ZDHHC14: variants seen among roughly 807,000 people sequenced by gnomAD.
ZDHHC14 encodes palmitoyltransferase ZDHHC14.
Under a neutral mutation model 47.7 loss-of-function variants are expected in ZDHHC14, and 16 were observed. The observed-to-expected ratio is 0.34, with a 90% confidence interval of 0.23 to 0.51. ZDHHC14 has a LOEUF of 0.51. Ranked by LOEUF, ZDHHC14 falls within the 20% of genes least tolerant of loss-of-function variation. ZDHHC14 has a pLI of 0.97. For missense variants in ZDHHC14, 515 were observed against 662.5 expected, an observed-to-expected ratio of 0.78 and a Z score of 2.44; for synonymous variants, 293 against 278.9, an observed-to-expected ratio of 1.05 and a Z score of -0.50.
intron 1 of ZDHHC14, among the ~76,000 whole-genome samples, chr6:157,497,980 G>A (rs1780107658): frequency 6.6e-6 from 1 of 152,180 alleles, no homozygotes; most frequent in South Asian, 2.1e-4. Flanking sequence ...GACAGTAAGG[G>A]CAACAGGAGG....
At position 157,502,232 on chromosome 6, in the gene ZDHHC14, G is replaced by A. The variant is rs1780209857; in HGVS notation, c.246-40353G>A. Among the ~76,000 whole-genome samples, 1 of 152,142 alleles carries A rather than the reference G, an allele frequency of 6.6e-6. No individual in the cohort carries two copies. The highest frequency in any genetic ancestry group is 2.1e-4 in the South Asian group (1 of 4,830). Reference sequence around the variant, plus strand: ...AGCATAACACCTTCCTTTAAGATATGCACAGCCTAGAAGGGAAGACCAAGA... The same window carrying A: ...AGCATAACACCTTCCTTTAAGATATACACAGCCTAGAAGGGAAGACCAAGA... On this transcript the variant is annotated intron_variant, in intron 1 of 8. Transcript: ENST00000359775. The surrounding 1 kb of genome is among the most constrained non-coding windows in gnomAD (Gnocchi z 4.0).
At chr6:157,473,409 A>T (rs1779400872) in intron 1 of ZDHHC14, among the ~76,000 whole-genome samples, 1 of 152,214 alleles carries the variant, frequency 6.6e-6, no homozygotes, top group South Asian at 2.1e-4. Flanking sequence ...GAGATTATGC[A>T]GTATTTGTCT....
intron 2 of ZDHHC14, among the ~76,000 whole-genome samples, chr6:157,554,755 A>T (rs376608872): frequency 6.6e-6 from 1 of 152,220 alleles, no homozygotes; most frequent in African/African-American, 2.4e-5. Context: ...GGCATTTGGG[A>T]TGTGGCTGTT....
chr6:157,673,201 C>T lies in ZDHHC14; in HGVS notation c.*79C>T, dbSNP rs559611851. On this transcript the variant is annotated 3_prime_UTR_variant, in exon 9 of 9. Coordinates refer to ENST00000359775, the MANE Select transcript of ZDHHC14 (RefSeq NM_024630.3). The surrounding 1 kb of genome is among the most constrained non-coding windows in gnomAD (Gnocchi z 5.4). The stretch of plus-strand genomic sequence containing the variant: ...GTGAGCGGAGGGGTGTGTCCCACAG[C>T]GACTTTCCCAGCCAATGCCACGGTG... 8.3e-6 allele frequency: 12 copies of T among 1,454,544 alleles called. No homozygotes were observed. In the South Asian group the frequency reaches 1.1e-4, roughly 13 times the overall value. 90.1% of individuals were successfully genotyped at this position (1,454,544 alleles called of 1,614,324 possible).
chr6:157,552,741 C>T (rs1782288148), intron 2 of ZDHHC14, among the ~76,000 whole-genome samples: 1 of 152,146 alleles, frequency 6.6e-6, no homozygotes, highest in African/African-American at 2.4e-5. Context: ...GAAGCCAGGC[C>T]TTCCCTGCAG....
intron 1 of ZDHHC14, among the ~76,000 whole-genome samples, chr6:157,402,978 G>T (rs752849144): frequency 6.6e-6 from 1 of 152,128 alleles, no homozygotes; most frequent in East Asian, 1.9e-4. Context: ...CAGGTGATCC[G>T]CCCGCATCTG....
intron 8 of ZDHHC14, among the ~76,000 whole-genome samples, chr6:157,670,986 G>C (rs1351557641): frequency 6.6e-6 from 1 of 152,120 alleles, no homozygotes; most frequent in African/African-American, 2.4e-5. Flanking sequence ...AGGATCAGCA[G>C]CTTTGGGTGA....
intron 1 of ZDHHC14, among the ~76,000 whole-genome samples, chr6:157,525,263 C>T (rs113376267): frequency 0.022 from 3,376 of 152,226 alleles, 140 homozygotes; most frequent in African/African-American, 0.078. Context: ...CTGTTTCAAG[C>T]GATCCTCCTG....
At chr6:157,522,145 A>G (rs935727330) in intron 1 of ZDHHC14, among the ~76,000 whole-genome samples, 8 of 152,174 alleles carry the variant, frequency 5.3e-5, no homozygotes, top group African/African-American at 7.2e-5. Context: ...ACGTCCTTCA[A>G]TGACCTCAAT....
At chr6:157,665,072 T>C (rs1184436023) in intron 8 of ZDHHC14, among the ~76,000 whole-genome samples, 1 of 152,222 alleles carries the variant, frequency 6.6e-6, no homozygotes, top group East Asian at 1.9e-4. Flanking sequence ...TGGTTGGTTG[T>C]GGGGCTTACC....
chr6:157,529,519 G>A (rs556559762), intron 1 of ZDHHC14, among the ~76,000 whole-genome samples: 300 of 152,280 alleles, frequency 2.0e-3, no homozygotes, highest in Non-Finnish European at 3.6e-3. Flanking sequence ...ATTGGGAAGC[G>A]GAGCCCAAGA....
chr6:157,443,136 G>A (rs907713445), intron 1 of ZDHHC14, among the ~76,000 whole-genome samples: 29 of 152,138 alleles, frequency 1.9e-4, no homozygotes, highest in African/African-American at 6.8e-4. Flanking sequence ...TCTCATGATA[G>A]TGAGTGAGTT....
intron 2 of ZDHHC14, among the ~76,000 whole-genome samples, chr6:157,555,095 C>T (rs1323055171): frequency 3.3e-5 from 5 of 152,196 alleles, no homozygotes; most frequent in South Asian, 4.1e-4. Context: ...CCTCTCTTTC[C>T]CAGCTGTCCC....
At chr6:157,491,143 C>A (rs1779903609) in intron 1 of ZDHHC14, among the ~76,000 whole-genome samples, 1 of 152,202 alleles carries the variant, frequency 6.6e-6, no homozygotes, top group East Asian at 1.9e-4. Context: ...CCTTCTTGCC[C>A]CCGTTTGTCC....
rs571879220 is a variant in ZDHHC14, at chr6:157,475,704, A to T, written c.246-66881A>T. Among the ~76,000 whole-genome samples the T allele has an allele frequency of 3.2e-4, 49 of 152,282 alleles. No homozygotes were observed. The South Asian group carries it at 9.9e-3, about 31-fold the overall frequency. On this transcript the variant is annotated intron_variant, in intron 1 of 8. Coordinates refer to ENST00000359775, the MANE Select transcript of ZDHHC14 (RefSeq NM_024630.3). The stretch of plus-strand genomic sequence containing the variant: ...TAGAAACAACACTGATTGTTAGTAT[A>T]TAGAAATAACACTGTTGATTTTGTA...
chr6:157,544,130 T>A lies in ZDHHC14; in HGVS notation c.406+1385T>A, dbSNP rs189122125. Among the ~76,000 whole-genome samples, 4 of 152,326 alleles carry A rather than the reference T, an allele frequency of 2.6e-5. No homozygotes were observed. The East Asian group carries it at 7.7e-4, about 29-fold the overall frequency. Reference sequence around the variant, plus strand: ...AGACCTTGTTCTTTCCAGCTCCTCATATCATTGAGGAGAGAGAGGGAAGTC... The same window carrying A: ...AGACCTTGTTCTTTCCAGCTCCTCAAATCATTGAGGAGAGAGAGGGAAGTC... On this transcript the variant is annotated intron_variant, in intron 2 of 8. Coordinates refer to ENST00000359775, the MANE Select transcript of ZDHHC14 (RefSeq NM_024630.3).
At chr6:157,435,606 C>G (rs1778425381) in intron 1 of ZDHHC14, among the ~76,000 whole-genome samples, 1 of 152,004 alleles carries the variant, frequency 6.6e-6, no homozygotes, top group African/African-American at 2.4e-5. Context: ...GTGGTGCAAT[C>G]ATGGCTCACT....
intron 3 of ZDHHC14, among the ~76,000 whole-genome samples, chr6:157,603,167 C>G (rs557847765): frequency 6.6e-6 from 1 of 152,328 alleles, no homozygotes; most frequent in South Asian, 2.1e-4. Flanking sequence ...CCAGCCATCT[C>G]TGTGGAACGC....
chr6:157,640,786 A>G (rs1777210923), intron 5 of ZDHHC14, among the ~76,000 whole-genome samples: 1 of 152,226 alleles, frequency 6.6e-6, no homozygotes, highest in South Asian at 2.1e-4. Flanking sequence ...TTTTCAAAGC[A>G]CCCAAGTCCT....
Sources: allele counts gnomAD v4.1 joint callset (sites outside exome capture counted in the v4.1 genomes callset), GRCh38; gene constraint gnomAD v4.1.1; non-coding constraint Gnocchi (gnomAD v3.1); transcripts MANE v1.5; gene names NCBI Gene and HGNC (gene_info 2026-07-23, HGNC 2026-07-21).